The following R3HDM1 variants were observed in gnomAD, a reference collection of about 807,000 sequenced individuals.
R3HDM1 encodes the protein R3H domain-containing protein 1.
Under a neutral mutation model 141.1 loss-of-function variants are expected in R3HDM1, and 46 were observed. The observed-to-expected ratio is 0.33, with a 90% CI of 0.26 to 0.42. The LOEUF (loss-of-function observed/expected upper bound fraction) is 0.42, where lower values mean the gene tolerates loss of function less well. Among genes scored for constraint, R3HDM1 ranks in the 10% least tolerant of loss-of-function variants. R3HDM1 has a pLI of 1.00. For missense variants in R3HDM1, 1,184 were observed against 1,368.3 expected (o/e 0.87, Z 2.12); for synonymous variants, 435 against 472.9 (o/e 0.92, Z 1.04).
intron 1 of R3HDM1, among the ~76,000 whole-genome samples, chr2:135,599,240 C>T (rs1427879859): frequency 6.6e-6 from 1 of 152,108 alleles, no homozygotes; most frequent in African/African-American, 2.4e-5. Flanking sequence ...TATATAAGCA[C>T]ATCTCTGACT....
At chr2:135,702,817 A>G (rs1453650962) in intron 21 of R3HDM1, among the ~76,000 whole-genome samples, 1 of 152,170 alleles carries the variant, frequency 6.6e-6, no homozygotes, top group Non-Finnish European at 1.5e-5. Context: ...CTCAAAAAAA[A>G]GAAAAACATA....
rs112321519 is a variant in R3HDM1 at position 135,676,150 on chromosome 2, AC to A, written c.2307+667del. On this transcript the variant is annotated intron_variant, in intron 20 of 26. Coordinates refer to ENST00000683871, the MANE Select transcript of R3HDM1 (RefSeq NM_001378107.1). ...AGGTCAGCCTGGCCAACATTGTGAA[AC>A]CCTGTTTCTACTAAAAACACAAAAA... 1.3e-3 allele frequency among the ~76,000 whole-genome samples: 204 copies of A among 152,174 alleles called. 2 individuals are homozygous for A. The highest frequency in any genetic ancestry group is 4.3e-3 in the African/African-American group (179 of 41,516).
intron 1 of R3HDM1, among the ~76,000 whole-genome samples, chr2:135,540,448 G>A (rs1262828336): frequency 6.6e-6 from 1 of 152,190 alleles, no homozygotes; most frequent in Non-Finnish European, 1.5e-5. Flanking sequence ...TTTAAGACAT[G>A]GAGGTGTTGC....
intron 1 of R3HDM1, chr2:135,534,044 T>C: frequency 1.0e-6 from 1 of 984,194 alleles, no homozygotes; most frequent in Non-Finnish European, 1.2e-6. Flanking sequence ...ATTCTGTTAC[T>C]GAAGAGTACC....
At chr2:135,628,457 TGTTAG>T (rs1321497478) in intron 7 of R3HDM1, among the ~76,000 whole-genome samples, 2 of 152,170 alleles carry the variant, frequency 1.3e-5, no homozygotes, top group Admixed American at 6.5e-5. Flanking sequence ...CTAGTAAAAT[TGTTAG>T]ATTCTGTTAT....
chr2:135,566,721 G>T (rs1017212978), intron 1 of R3HDM1: 1 of 984,972 alleles, frequency 1.0e-6, no homozygotes, highest in African/African-American at 1.7e-5. Context: ...TTTGTTAGTC[G>T]TTTGGATGGT....
At chr2:135,554,885 T>G (rs1427368979) in intron 1 of R3HDM1, among the ~76,000 whole-genome samples, 1 of 152,164 alleles carries the variant, frequency 6.6e-6, no homozygotes, top group Non-Finnish European at 1.5e-5. Flanking sequence ...TTGTCATACT[T>G]TGTCACAGAA....
At chr2:135,604,769 A>G (rs1161055140) in intron 2 of R3HDM1, 37 bp from the exon 3 acceptor site, 5 of 1,488,234 alleles carry the variant, frequency 3.4e-6, no homozygotes, top group Non-Finnish European at 4.6e-6. Context: ...ACTGAATGTA[A>G]AAAAGTTTCA....
At chr2:135,684,216 G>C (rs1022198112) in intron 21 of R3HDM1, among the ~76,000 whole-genome samples, 1 of 151,874 alleles carries the variant, frequency 6.6e-6, no homozygotes, top group African/African-American at 2.4e-5. Flanking sequence ...TCAGCCTCCC[G>C]AGTAGCTGGG....
chr2:135,586,667 A>C, intron 1 of R3HDM1: 1 of 984,706 alleles, frequency 1.0e-6, no homozygotes, highest in Non-Finnish European at 1.2e-6. Flanking sequence ...TTATTTTTGC[A>C]AAAATATATT....
intron 18 of R3HDM1, among the ~76,000 whole-genome samples, chr2:135,656,172 T>C (rs1170044271): frequency 1.3e-5 from 2 of 152,302 alleles, no homozygotes; most frequent in East Asian, 1.9e-4. Flanking sequence ...TAATAGTATT[T>C]CTTGAAACCT....
At chr2:135,698,882 A>G (rs1355673801) in intron 21 of R3HDM1, among the ~76,000 whole-genome samples, 1 of 152,092 alleles carries the variant, frequency 6.6e-6, no homozygotes, top group African/African-American at 2.4e-5. Context: ...AACCACCTCC[A>G]TGATCCAGTC....
intron 3 of R3HDM1, among the ~76,000 whole-genome samples, chr2:135,607,049 C>T (rs540750408): frequency 4.0e-5 from 6 of 151,876 alleles, no homozygotes; most frequent in African/African-American, 9.7e-5. Flanking sequence ...AGTGTAGTGG[C>T]GCAACCTTGG....
At chr2:135,584,549 G>C (rs1707458264) in intron 1 of R3HDM1, among the ~76,000 whole-genome samples, 1 of 152,144 alleles carries the variant, frequency 6.6e-6, no homozygotes, top group Non-Finnish European at 1.5e-5. Context: ...ATAAGATTCT[G>C]TCTTACTAAC....
chr2:135,710,013 G>C (rs922062175), intron 22 of R3HDM1, 46 bp from the exon 23 acceptor site: 1 of 1,553,464 alleles, frequency 6.4e-7, no homozygotes, highest in East Asian at 2.3e-5. Flanking sequence ...ACACCAACTA[G>C]TTGCTAAAAT....
At chr2:135,563,549 G>T (rs1475479133) in intron 1 of R3HDM1, among the ~76,000 whole-genome samples, 1 of 152,056 alleles carries the variant, frequency 6.6e-6, no homozygotes, top group Non-Finnish European at 1.5e-5. Context: ...AAGGTATTTG[G>T]TATAAAATCA....
intron 21 of R3HDM1, among the ~76,000 whole-genome samples, chr2:135,702,345 A>C (rs2074329093): frequency 6.6e-6 from 1 of 151,988 alleles, no homozygotes; most frequent in African/African-American, 2.4e-5. Context: ...CCAACATGGC[A>C]AAACCCCGTC....
chr2:135,709,421 T>A lies in R3HDM1; in HGVS notation c.2460-12T>A. On this transcript the variant is annotated splice_polypyrimidine_tract_variant and intron_variant, in intron 21 of 26. Transcript: ENST00000683871. ...CTCCTCTCATTATGCTGTTTTTTTG[T>A]TTTTTCCATAGCTCTTCAGTAGGTT... is the stretch of plus-strand genomic sequence containing the variant. 6.2e-7 allele frequency: 1 copy of A among 1,613,792 alleles called. No homozygotes were observed.
chr2:135,578,684 G>T (rs1201505110), intron 1 of R3HDM1, among the ~76,000 whole-genome samples: 1 of 152,148 alleles, frequency 6.6e-6, no homozygotes, highest in East Asian at 1.9e-4. Context: ...TTTTGATTAG[G>T]CATTCTAAAG....
Sources: allele counts gnomAD v4.1 joint callset (sites outside exome capture counted in the v4.1 genomes callset), GRCh38; gene constraint gnomAD v4.1.1; transcripts MANE v1.5; gene names NCBI Gene and HGNC (gene_info 2026-07-23, HGNC 2026-07-21).